Variants in SUPT3H observed in about 807,000 individuals in gnomAD.
SUPT3H encodes the protein transcription initiation protein SPT3 homolog.
A neutral mutation model predicts 44.3 loss-of-function variants in SUPT3H; 44 were observed. That is an observed-to-expected ratio of 0.99 (90% CI 0.78 to 1.28). SUPT3H has a LOEUF of 1.28. Ranked by LOEUF, SUPT3H falls within the 50% of genes most tolerant of loss-of-function variation. The pLI, the probability that SUPT3H is intolerant of heterozygous loss-of-function variation, is 0.00. For missense variants in SUPT3H, 380 were observed against 387.1 expected, an observed-to-expected ratio of 0.98 and a Z score of 0.15; for synonymous variants, 124 against 125.6, an observed-to-expected ratio of 0.99 and a Z score of 0.09.
chr6:45,341,704 G>A (rs907316224), intron 2 of SUPT3H, among the ~76,000 whole-genome samples: 3 of 152,158 alleles, frequency 2.0e-5, no homozygotes, highest in Admixed American at 1.3e-4. Context: ...ATAACAGATA[G>A]TTAAAAGTCC....
chr6:45,261,824 G>GA (rs1408839876), intron 2 of SUPT3H, among the ~76,000 whole-genome samples: 2 of 152,038 alleles, frequency 1.3e-5, no homozygotes, highest in Non-Finnish European at 2.9e-5. Context: ...TCTATACCTA[G>GA]AAAATCTCAG....
At chr6:45,042,727 C>G (rs896582698) in intron 3 of SUPT3H, among the ~76,000 whole-genome samples, 26 of 151,920 alleles carry the variant, frequency 1.7e-4, no homozygotes, top group African/African-American at 5.3e-4. Flanking sequence ...TACCATTTGA[C>G]CCAGCAATCC....
chr6:45,284,215 C>T (rs1352394567), intron 2 of SUPT3H, among the ~76,000 whole-genome samples: 1 of 152,108 alleles, frequency 6.6e-6, no homozygotes, highest in African/African-American at 2.4e-5. Context: ...CATTCAAAAG[C>T]TAGCAGAAGG....
chr6:45,322,771 T>C lies in SUPT3H; in HGVS notation c.101+42430A>G, dbSNP rs1785712283. ...CCTAAAAATAAGCCTACAATAACTATTTTAAAGGCTGTGTGTGGTCTCGCC... is the reference window on the plus strand; with the variant it reads ...CCTAAAAATAAGCCTACAATAACTACTTTAAAGGCTGTGTGTGGTCTCGCC... On this transcript the variant is annotated intron_variant, in intron 2 of 10. Transcript: ENST00000371459. 7 of 780,420 alleles carry C rather than the reference T, an allele frequency of 9.0e-6. No individual in the cohort carries two copies. The South Asian group carries it at 1.1e-4, about 13-fold the overall frequency. The allele number at this position is 780,420 out of a possible 1,614,324, so 48.3% of individuals were successfully genotyped here. A position where few individuals can be genotyped will look rare whatever the true frequency, so the allele number is the denominator to read the frequency against.
At chr6:45,027,938 C>G (rs1583147112) in intron 3 of SUPT3H, among the ~76,000 whole-genome samples, 1 of 152,172 alleles carries the variant, frequency 6.6e-6, no homozygotes, top group African/African-American at 2.4e-5. Flanking sequence ...GACTTTTCCC[C>G]TAGTCTGAGA....
chr6:45,158,298 A>ATATATATATATATATATATATTTTTTTT, intron 2 of SUPT3H, among the ~76,000 whole-genome samples: 1 of 99,694 alleles, frequency 1.0e-5, no homozygotes, highest in African/African-American at 5.0e-5. Flanking sequence ...ATATATATAT[A>ATATATATATATATATATATATTTTTTTT]TTTTTTTTTT....
intron 3 of SUPT3H, among the ~76,000 whole-genome samples, chr6:45,094,380 C>T (rs911221872): frequency 8.6e-5 from 13 of 152,006 alleles, no homozygotes; most frequent in Admixed American, 4.6e-4. Flanking sequence ...CTAAGAAAAC[C>T]AAGTAACATG....
chr6:44,878,024 T>A (rs1777585085), intron 10 of SUPT3H, among the ~76,000 whole-genome samples: 1 of 152,224 alleles, frequency 6.6e-6, no homozygotes, highest in Non-Finnish European at 1.5e-5. Flanking sequence ...TGGTGAAGCA[T>A]TAAAGCTATT....
At chr6:45,142,734 C>T (rs1341764474) in intron 2 of SUPT3H, among the ~76,000 whole-genome samples, 2 of 10,340 alleles carry the variant, frequency 1.9e-4, no homozygotes, top group African/African-American at 4.3e-4. Flanking sequence ...TAAACTCCGT[C>T]TCAAAAAAAA....
chr6:45,125,724 C>T (rs1171408639), intron 2 of SUPT3H, among the ~76,000 whole-genome samples: 1 of 151,756 alleles, frequency 6.6e-6, no homozygotes, highest in Non-Finnish European at 1.5e-5. Flanking sequence ...TCAGTAAACT[C>T]TCATTTCTAG....
At chr6:44,887,686 C>T (rs1285857945) in intron 10 of SUPT3H, among the ~76,000 whole-genome samples, 1 of 151,192 alleles carries the variant, frequency 6.6e-6, no homozygotes, top group Non-Finnish European at 1.5e-5. Context: ...AAAATTGACA[C>T]CCTAACATCA....
intron 10 of SUPT3H, among the ~76,000 whole-genome samples, chr6:44,846,641 TTTC>T (rs1771915165): frequency 6.6e-6 from 1 of 152,104 alleles, no homozygotes; most frequent in African/African-American, 2.4e-5. Context: ...TTTTTTTTTT[TTTC>T]TTTTTGAGAC....
At chr6:44,881,905 T>C (rs1561950394) in intron 10 of SUPT3H, among the ~76,000 whole-genome samples, 3 of 152,148 alleles carry the variant, frequency 2.0e-5, no homozygotes, top group African/African-American at 4.8e-5. Flanking sequence ...GGGAAATTTA[T>C]AGCACTAAAA....
intron 2 of SUPT3H, among the ~76,000 whole-genome samples, chr6:45,160,669 G>C (rs983840784): frequency 1.3e-5 from 2 of 151,368 alleles, no homozygotes; most frequent in Non-Finnish European, 2.9e-5. Flanking sequence ...GAGTAAAAAA[G>C]TAAAGTACAA....
Position 44,876,650 on chromosome 6 carries a change from TAATTTAAAAAAA to T in SUPT3H, c.913-46805_913-46794del, listed in dbSNP as rs572055989. Among the ~76,000 whole-genome samples the T allele has an allele frequency of 9.1e-3, 1,364 of 150,224 alleles. 12 individuals are homozygous for T. Among genetic ancestry groups the T allele is most frequent in the South Asian group, 0.028 (133 of 4,728 alleles). On this transcript the variant is annotated intron_variant, in intron 10 of 10. Transcript: ENST00000371459. ...CACATGTACCCTAAAACTTAAAGTA[TAATTTAAAAAAA>T]AAATTAAAAAAAAAATTAAACAACA...
chr6:45,147,900 C>CA (rs1349811070), intron 2 of SUPT3H, among the ~76,000 whole-genome samples: 4 of 151,980 alleles, frequency 2.6e-5, no homozygotes, highest in African/African-American at 9.7e-5. Flanking sequence ...TAAGTAATGT[C>CA]AGTTAGCTAG....
intron 3 of SUPT3H, among the ~76,000 whole-genome samples, chr6:45,077,652 A>AG (rs1451179597): frequency 1.4e-5 from 2 of 147,498 alleles, no homozygotes; most frequent in East Asian, 3.9e-4. Flanking sequence ...AGAAAAGAAA[A>AG]AAAAAAGTGT....
intron 3 of SUPT3H, among the ~76,000 whole-genome samples, chr6:45,043,072 T>G (rs1398777408): frequency 1.3e-5 from 2 of 151,882 alleles, no homozygotes; most frequent in Non-Finnish European, 2.9e-5. Context: ...TCTTTTCTGT[T>G]TCATTGGTTA....
At chr6:45,212,939 G>C (rs909681767) in intron 2 of SUPT3H, among the ~76,000 whole-genome samples, 3 of 152,102 alleles carry the variant, frequency 2.0e-5, no homozygotes, top group African/African-American at 7.2e-5. Context: ...TATTTTCCAA[G>C]GATGACAAAA....
Sources: gnomAD v4.1 joint callset for allele counts (sites outside exome capture counted in the v4.1 genomes callset) on GRCh38, gnomAD v4.1.1 for gene constraint, MANE v1.5 for transcripts, NCBI Gene and HGNC (gene_info 2026-07-23, HGNC 2026-07-21) for gene names.